Variants in COP1 observed in about 807,000 individuals in gnomAD.
COP1 encodes the protein COP1 E3 ubiquitin ligase.
Under a neutral mutation model 101.3 loss-of-function variants are expected in COP1, and 24 were observed. That is an observed-to-expected ratio of 0.24 (90% CI 0.17 to 0.33). COP1 has a LOEUF of 0.33. Among genes scored for constraint, COP1 ranks in the 10% least tolerant of loss-of-function variants. COP1 has a pLI of 1.00. For missense variants in COP1, 663 were observed against 906.2 expected (o/e 0.73, Z 3.45); for synonymous variants, 347 against 341.9 (o/e 1.01, Z -0.17).
intron 11 of COP1, among the ~76,000 whole-genome samples, chr1:176,051,516 A>C (rs1340278712): frequency 6.6e-6 from 1 of 152,214 alleles, no homozygotes; most frequent in Admixed American, 6.5e-5. Context: ...AACAACTGTT[A>C]ATGGTTTGTG....
intron 18 of COP1, among the ~76,000 whole-genome samples, chr1:175,972,891 G>GGCAC (rs1403954970): frequency 2.6e-5 from 4 of 152,128 alleles, no homozygotes; most frequent in Admixed American, 2.6e-4. Context: ...GGAGTGCAAT[G>GGCAC]GCACGATCTT....
At chr1:176,048,590 A>G (rs1671919645) in intron 11 of COP1, among the ~76,000 whole-genome samples, 1 of 152,126 alleles carries the variant, frequency 6.6e-6, no homozygotes, top group African/African-American at 2.4e-5. Context: ...GAGAAATACT[A>G]CTTTATCTGG....
intron 9 of COP1, among the ~76,000 whole-genome samples, chr1:176,110,682 C>G (rs898672529): frequency 6.6e-6 from 1 of 152,090 alleles, no homozygotes; most frequent in Admixed American, 6.6e-5. Flanking sequence ...AAAAAGATGA[C>G]AACAACCACA....
At chr1:175,970,886 T>C (rs1653103140) in intron 18 of COP1, among the ~76,000 whole-genome samples, 1 of 152,172 alleles carries the variant, frequency 6.6e-6, no homozygotes, top group South Asian at 2.1e-4. Context: ...CAACTAAAGG[T>C]AACAAGCAAT....
chr1:176,167,728 A>G (rs531935954), intron 3 of COP1, among the ~76,000 whole-genome samples: 28 of 152,340 alleles, frequency 1.8e-4, no homozygotes, highest in African/African-American at 6.5e-4. Context: ...GTACAGTAAA[A>G]GCACAGATGC....
At chr1:176,153,223 T>G (rs939560609) in intron 5 of COP1, among the ~76,000 whole-genome samples, 7 of 152,140 alleles carry the variant, frequency 4.6e-5, no homozygotes, top group Admixed American at 2.0e-4. Context: ...GCAGGTAGGC[T>G]TGTCACTTAT....
Position 176,044,824 on chromosome 1 carries a change from T to C in COP1, c.1422-1006A>G, listed in dbSNP as rs142916625. ...CGCTTTCACCATTTATTCCAATATATCAGGAAGTATTGCACATTTTTACAC... is the reference window on the plus strand; with the variant it reads ...CGCTTTCACCATTTATTCCAATATACCAGGAAGTATTGCACATTTTTACAC... On this transcript the variant is annotated intron_variant, in intron 12 of 19. Coordinates refer to ENST00000367669, the MANE Select transcript of COP1 (RefSeq NM_022457.7). Among the ~76,000 whole-genome samples the C allele has an allele frequency of 2.6e-3, 400 of 152,302 alleles. 3 individuals are homozygous for C. The highest frequency in any genetic ancestry group is 9.2e-3 in the African/African-American group (382 of 41,558).
chr1:176,164,768 T>C (rs1399768231), intron 3 of COP1, among the ~76,000 whole-genome samples: 2 of 152,216 alleles, frequency 1.3e-5, no homozygotes, highest in Non-Finnish European at 2.9e-5. Context: ...TTTTCCATAA[T>C]GTTTAACCAC....
chr1:176,071,402 G>C (rs1357976612), intron 11 of COP1, among the ~76,000 whole-genome samples: 1 of 151,962 alleles, frequency 6.6e-6, no homozygotes, highest in Non-Finnish European at 1.5e-5. Context: ...ACCCAGTCTC[G>C]GGTATTTCTT....
At chr1:176,151,738 C>G (rs1359407655) in intron 5 of COP1, among the ~76,000 whole-genome samples, 1 of 152,144 alleles carries the variant, frequency 6.6e-6, no homozygotes, top group African/African-American at 2.4e-5. Flanking sequence ...GCTTTAGTAT[C>G]CTTCGGTTAT....
intron 15 of COP1, among the ~76,000 whole-genome samples, chr1:176,025,856 C>T (rs577997723): frequency 1.3e-5 from 2 of 152,000 alleles, no homozygotes; most frequent in South Asian, 4.1e-4. Context: ...TGCCACTGTA[C>T]TCAACCTGGG....
chr1:176,094,616 AT>A (rs1681995482), intron 9 of COP1, among the ~76,000 whole-genome samples: 2 of 151,838 alleles, frequency 1.3e-5, no homozygotes, highest in Admixed American at 6.6e-5. Context: ...CTCAAAGATA[AT>A]TAAATTTCAC....
At chr1:175,993,404 G>C (rs1381728530) in intron 15 of COP1, among the ~76,000 whole-genome samples, 3 of 152,244 alleles carry the variant, frequency 2.0e-5, no homozygotes, top group Non-Finnish European at 2.9e-5. Flanking sequence ...GAATGGCTTT[G>C]ACGAGTTGAG....
At chr1:176,099,365 G>A (rs1359162525) in intron 9 of COP1, among the ~76,000 whole-genome samples, 1 of 152,110 alleles carries the variant, frequency 6.6e-6, no homozygotes, top group African/African-American at 2.4e-5. Context: ...AAAAACTGAG[G>A]TAATCTTTTT....
chr1:176,167,628 T>G (rs1695338945), intron 3 of COP1, among the ~76,000 whole-genome samples: 1 of 152,134 alleles, frequency 6.6e-6, no homozygotes, highest in Non-Finnish European at 1.5e-5. Flanking sequence ...ACATCCACAG[T>G]ACTAAGAACA....
intron 1 of COP1, among the ~76,000 whole-genome samples, chr1:176,200,708 T>C (rs1394466861): frequency 6.6e-6 from 1 of 151,506 alleles, no homozygotes; most frequent in Non-Finnish European, 1.5e-5. Flanking sequence ...GAAAAACATG[T>C]TACTCTCAGT....
At chr1:176,064,812 T>TG (rs774905004) in intron 11 of COP1, among the ~76,000 whole-genome samples, 5 of 151,916 alleles carry the variant, frequency 3.3e-5, no homozygotes, top group African/African-American at 4.8e-5. Flanking sequence ...TTTGTAGAGA[T>TG]GGAGTTTCAC....
At chr1:176,035,831 AT>A (rs1669440280) in intron 14 of COP1, among the ~76,000 whole-genome samples, 1 of 151,954 alleles carries the variant, frequency 6.6e-6, no homozygotes, top group African/African-American at 2.4e-5. Flanking sequence ...TTTCTTTTCA[AT>A]GCATTTGAAA....
rs1160720469 is a variant in COP1, at chr1:176,162,945, T to G, written c.686A>C (p.Asp229Ala). ...WQIFQDWLGTDQDNLDLANVN... is the reference protein window; with the variant it reads ...WQIFQDWLGTAQDNLDLANVN... ...ATTGGCCAAATCAAGGTTATCTTGGTCAGTTCCCAACCAATCTTGAAATAT... is the reference window on the plus strand; with the variant it reads ...ATTGGCCAAATCAAGGTTATCTTGGGCAGTTCCCAACCAATCTTGAAATAT... The change falls in exon 5 of 20, where the codon GAC becomes GCC. Residue 229 changes from aspartate to alanine, a missense_variant. By Grantham distance (126) the Asp-to-Ala change is moderately radical. Coordinates refer to ENST00000367669, the MANE Select transcript of COP1 (RefSeq NM_022457.7). 1 of 1,610,416 alleles carries G rather than the reference T, an allele frequency of 6.2e-7. No individual in the cohort carries two copies. Among genetic ancestry groups the G allele is most frequent in the Non-Finnish European group, 8.5e-7 (1 of 1,178,284 alleles).
Sources: gnomAD v4.1 joint callset for allele counts (sites outside exome capture counted in the v4.1 genomes callset) on GRCh38, gnomAD v4.1.1 for gene constraint, MANE v1.5 for transcripts, NCBI Gene and HGNC (gene_info 2026-07-23, HGNC 2026-07-21) for gene names.